SAMMSON: variants seen among roughly 807,000 people sequenced by gnomAD.
The protein encoded by SAMMSON is long intergenic non-protein coding RNA 1212.
At chr3:70,283,958 C>A (rs1327663073) in intron 6 of SAMMSON, 1 of 151,798 alleles carries the variant, frequency 6.6e-6, no homozygotes, top group African/African-American at 2.4e-5. Context: ...ACTTCTGATC[C>A]CTGATCTCTA....
At chr3:70,041,246 G>A (rs923205796) in intron 3 of SAMMSON, among the ~76,000 whole-genome samples, 1 of 152,036 alleles carries the variant, frequency 6.6e-6, no homozygotes, top group Non-Finnish European at 1.5e-5. Context: ...CCTAGGCCTC[G>A]TATTATCCAC....
chr3:70,340,890 G>C (rs574864555), intron 7 of SAMMSON, among the ~76,000 whole-genome samples: 25 of 152,174 alleles, frequency 1.6e-4, no homozygotes, highest in Admixed American at 9.2e-4. Context: ...TCCTCTTGGT[G>C]AATAATCAAA....
chr3:70,173,952 G>C (rs1172976064), intron 4 of SAMMSON, among the ~76,000 whole-genome samples: 1 of 151,868 alleles, frequency 6.6e-6, no homozygotes, highest in Non-Finnish European at 1.5e-5. Flanking sequence ...ATGTAGAATG[G>C]ATAGGAATCT....
At chr3:70,089,024 T>A (rs1022864350) in intron 4 of SAMMSON, among the ~76,000 whole-genome samples, 5 of 152,124 alleles carry the variant, frequency 3.3e-5, no homozygotes, top group Admixed American at 2.0e-4. Context: ...CTGCTCAGGG[T>A]CACTGAGAGT....
chr3:70,323,078 T>C (rs919143427), intron 7 of SAMMSON, among the ~76,000 whole-genome samples: 3 of 152,086 alleles, frequency 2.0e-5, no homozygotes, highest in Non-Finnish European at 4.4e-5. Context: ...CAAATTAGAT[T>C]GAAAATGGCA....
intron 3 of SAMMSON, among the ~76,000 whole-genome samples, chr3:70,034,217 T>A (rs2067077002): frequency 6.6e-6 from 1 of 152,152 alleles, no homozygotes; most frequent in Non-Finnish European, 1.5e-5. Context: ...AATAAAATAA[T>A]CACCTATATT....
chr3:70,088,134 A>T (rs999786474), intron 4 of SAMMSON, among the ~76,000 whole-genome samples: 1 of 152,190 alleles, frequency 6.6e-6, no homozygotes, highest in Non-Finnish European at 1.5e-5. Flanking sequence ...AGGGTCTCCA[A>T]ATGCTCTAGG....
chr3:70,238,260 G>A (rs1333686528), intron 4 of SAMMSON, among the ~76,000 whole-genome samples: 2 of 151,834 alleles, frequency 1.3e-5, no homozygotes, highest in Admixed American at 6.6e-5. Flanking sequence ...TATGTAAGGT[G>A]TAAACACTAT....
chr3:70,025,393 C>T (rs758272438), intron 3 of SAMMSON, among the ~76,000 whole-genome samples: 6 of 152,124 alleles, frequency 3.9e-5, no homozygotes, highest in South Asian at 2.1e-4. Flanking sequence ...TACAAGTTCC[C>T]GCCACCACAC....
chr3:70,018,087 T>C (rs1333805770), intron 3 of SAMMSON, among the ~76,000 whole-genome samples: 2 of 152,166 alleles, frequency 1.3e-5, no homozygotes, highest in East Asian at 1.9e-4. Context: ...ATCAGGATGA[T>C]GCTGGCCTCA....
chr3:70,310,023 T>G (rs975143792), intron 7 of SAMMSON, among the ~76,000 whole-genome samples: 1 of 152,208 alleles, frequency 6.6e-6, no homozygotes, highest in African/African-American at 2.4e-5. Flanking sequence ...AATATGAACT[T>G]CACCATAAGT....
intron 3 of SAMMSON, among the ~76,000 whole-genome samples, chr3:70,032,490 T>G (rs71298322): frequency 1.2e-3 from 180 of 152,330 alleles, no homozygotes; most frequent in Admixed American, 2.0e-3. Flanking sequence ...TTTCTTAAAT[T>G]ACAAAGGCTG....
At chr3:70,171,786 A>G (rs570355664) in intron 4 of SAMMSON, among the ~76,000 whole-genome samples, 1 of 152,062 alleles carries the variant, frequency 6.6e-6, no homozygotes, top group East Asian at 1.9e-4. Context: ...TATCCCAGAA[A>G]ATCAAAACAA....
chr3:70,264,149 C>T (rs1701893230), intron 6 of SAMMSON, among the ~76,000 whole-genome samples: 1 of 152,126 alleles, frequency 6.6e-6, no homozygotes, highest in South Asian at 2.1e-4. Context: ...TAAAATGTAG[C>T]ATATGTTTTG....
chr3:70,367,163 G>A (rs558036522), intron 9 of SAMMSON, among the ~76,000 whole-genome samples: 1 of 151,628 alleles, frequency 6.6e-6, no homozygotes, highest in African/African-American at 2.4e-5. Flanking sequence ...ATTTATTTGT[G>A]TTAAGAACAC....
chr3:70,188,415 C>T lies in SAMMSON; in HGVS notation n.508-60692C>T, dbSNP rs561536492. On this transcript the variant is annotated intron_variant and non_coding_transcript_variant, in intron 4 of 9. Transcript: ENST00000642114. ...GACACATAAGTGCTTATTAAAATTA[C>T]CTACTACAGGAGGTATTATGCTAAT... Among the ~76,000 whole-genome samples, 4 of 152,162 alleles carry T rather than the reference C, an allele frequency of 2.6e-5. No individual in the cohort carries two copies. The East Asian group carries it at 7.7e-4, about 29-fold the overall frequency.
chr3:70,283,636 A>AT (rs1236189701), intron 6 of SAMMSON: 4 of 152,082 alleles, frequency 2.6e-5, no homozygotes, highest in Admixed American at 1.3e-4. Flanking sequence ...AAAGGGATTC[A>AT]TGCTGGGGTC....
chr3:70,174,322 G>A (rs1700991311), intron 4 of SAMMSON, among the ~76,000 whole-genome samples: 1 of 151,944 alleles, frequency 6.6e-6, no homozygotes, highest in African/African-American at 2.4e-5. Flanking sequence ...CTAATCACAT[G>A]TTGATATATT....
intron 6 of SAMMSON, among the ~76,000 whole-genome samples, chr3:70,288,659 T>C (rs544899054): frequency 8.6e-5 from 13 of 151,938 alleles, no homozygotes; most frequent in African/African-American, 2.4e-4. Flanking sequence ...CACAGTGGGG[T>C]GTTAAAGTCT....
Sources: gnomAD v4.1 joint callset for allele counts (sites outside exome capture counted in the v4.1 genomes callset) on GRCh38, gnomAD v4.1.1 for gene constraint, MANE v1.5 for transcripts, NCBI Gene and HGNC (gene_info 2026-07-23, HGNC 2026-07-21) for gene names.